Variants in KBTBD8 observed in about 807,000 individuals in gnomAD.
KBTBD8 encodes kelch repeat and BTB domain-containing protein 8.
Under a neutral mutation model 53.5 loss-of-function variants are expected in KBTBD8, and 31 were observed. That is an observed-to-expected ratio of 0.58 (90% CI 0.44 to 0.78). The LOEUF (loss-of-function observed/expected upper bound fraction) is 0.78. Ranked by LOEUF, KBTBD8 falls within the 30% of genes least tolerant of loss-of-function variation. The pLI is 0.00. For missense variants in KBTBD8, 642 were observed against 735.8 expected (o/e 0.87, Z 1.48); for synonymous variants, 250 against 247.3 (o/e 1.01, Z -0.10).
chr3:67,004,053 G>A lies in KBTBD8; in HGVS notation c.1086G>A (p.Met362Ile), dbSNP rs1702042260. ...IDHKAENDFW[M>I]YDHSTNRWLS... ...ATAAGGCAGAAAATGATTTCTGGAT[G>A]TATGATCATTCCACCAATAGATGGC... Residue 362 changes from methionine (M) to isoleucine (I), a missense_variant, in exon 3 of 4, where the codon ATG becomes ATA. Coordinates refer to ENST00000417314, the MANE Select transcript of KBTBD8 (RefSeq NM_032505.3). The A allele has an allele frequency of 1.2e-6, 2 of 1,614,190 alleles. No homozygotes were observed. The highest frequency in any genetic ancestry group is 8.5e-7 in the Non-Finnish European group (1 of 1,180,034).
rs1467263340 is a variant in KBTBD8, at chr3:67,009,953, C to T, written c.*1568C>T. On this transcript the variant is annotated 3_prime_UTR_variant, in exon 4 of 4. Transcript: ENST00000417314. ...CATTGCCTCTTTGCATCACATACCT[C>T]GTTTTTCAGAAACTTTCCAAACTGC... is the stretch of plus-strand genomic sequence containing the variant. 1 of 152,576 alleles carries T rather than the reference C, an allele frequency of 6.6e-6. No individual in the cohort carries two copies. The highest frequency in any genetic ancestry group is 2.4e-5 in the African/African-American group (1 of 41,450). 9.5% of individuals were successfully genotyped at this position (152,576 alleles called of 1,614,324 possible).
At chr3:67,004,569 A>C (rs894232996) in intron 3 of KBTBD8, among the ~76,000 whole-genome samples, 1 of 152,240 alleles carries the variant, frequency 6.6e-6, no homozygotes, top group African/African-American at 2.4e-5. Flanking sequence ...TAGAATAACT[A>C]TTTTTGAAAA....
intron 2 of KBTBD8, among the ~76,000 whole-genome samples, chr3:67,000,872 AATATG>A (rs1305387246): frequency 2.6e-5 from 4 of 151,890 alleles, no homozygotes; most frequent in African/African-American, 4.8e-5. Flanking sequence ...ATACATAATA[AATATG>A]ATATATGTAT....
At chr3:66,998,799 T>G in intron 1 of KBTBD8, 182 bp from the exon 2 acceptor site, 2 of 614,722 alleles carry the variant, frequency 3.3e-6, no homozygotes, top group Non-Finnish European at 5.8e-6. Context: ...CCGATCGCGC[T>G]CCGCCCTCTG....
Position 67,003,406 on chromosome 3 carries a change from T to A in KBTBD8, c.439T>A (p.Leu147Met). 6.2e-7 allele frequency: 1 copy of A among 1,614,112 alleles called. No individual in the cohort carries two copies. Among genetic ancestry groups the A allele is most frequent in the Non-Finnish European group, 8.5e-7 (1 of 1,179,962 alleles). The change falls in exon 3 of 4, where the codon TTG becomes ATG. Residue 147 changes from leucine (L) to methionine (M), a missense_variant. Coordinates refer to ENST00000417314, the MANE Select transcript of KBTBD8 (RefSeq NM_032505.3). ...DQCAKYMISH[L>M]DPQNSIGVFI... ...ATGTGCTAAGTATATGATCAGTCATTTGGACCCACAGAATTCTATTGGGGT... is the reference window on the plus strand; with the variant it reads ...ATGTGCTAAGTATATGATCAGTCATATGGACCCACAGAATTCTATTGGGGT...
At chr3:67,000,779 TTAA>T (rs1233049114) in intron 2 of KBTBD8, among the ~76,000 whole-genome samples, 1 of 152,112 alleles carries the variant, frequency 6.6e-6, no homozygotes, top group Non-Finnish European at 1.5e-5. Flanking sequence ...TTACTGAAAT[TTAA>T]TAATCTGGAT....
In KBTBD8 at chr3:67,003,432, C is replaced by T; in HGVS notation, c.465C>T (p.Val155=). Residue 155 remains valine, a synonymous_variant, in exon 3 of 4, where the codon GTC becomes GTT. Transcript: ENST00000417314. ...TGGACCCACAGAATTCTATTGGGGT[C>T]TTTATCTTTGCTGATCATTATGGTC... is the stretch of plus-strand genomic sequence containing the variant. ...SHLDPQNSIG[V]FIFADHYGHQ... 6.2e-7 allele frequency: 1 copy of T among 1,614,014 alleles called. No homozygotes were observed. The highest frequency in any genetic ancestry group is 8.5e-7 in the Non-Finnish European group (1 of 1,179,942).
Position 67,008,489 on chromosome 3 carries a change from T to C in KBTBD8, c.*104T>C, listed in dbSNP as rs1274300185. ...ATTTCAGAAAGCTGAGAGAGTTTTA[T>C]ACATGGAAAATGGGTATGCTTAAAG... is the stretch of plus-strand genomic sequence containing the variant. On this transcript the variant is annotated 3_prime_UTR_variant, in exon 4 of 4. Transcript: ENST00000417314. 2.5e-6 allele frequency: 2 copies of C among 792,696 alleles called. No homozygotes were observed. The highest frequency in any genetic ancestry group is 3.9e-6 in the Non-Finnish European group (2 of 511,598). The allele number at this position is 792,696 out of a possible 1,614,324, so 49.1% of individuals were successfully genotyped here.
intron 2 of KBTBD8, 116 bp downstream of exon 2, chr3:66,999,307 G>T: frequency 3.5e-6 from 3 of 848,462 alleles, no homozygotes; most frequent in South Asian, 3.1e-5. Flanking sequence ...CAATGACTTT[G>T]TTTCTTGAGA....
chr3:67,003,188 T>C lies in KBTBD8; in HGVS notation c.228-7T>C. 2 of 1,606,802 alleles carry C rather than the reference T, an allele frequency of 1.2e-6. No individual in the cohort carries two copies. The highest frequency in any genetic ancestry group is 1.7e-6 in the Non-Finnish European group (2 of 1,173,798). ...ACGTGTAATATTAACCACTCTTTCC[T>C]TCTTAGATCCATGTTCACTAGCGGC... On this transcript the variant is annotated splice_polypyrimidine_tract_variant and splice_region_variant and intron_variant, in intron 2 of 3. Coordinates refer to ENST00000417314, the MANE Select transcript of KBTBD8 (RefSeq NM_032505.3).
Position 67,003,656 on chromosome 3 carries a change from T to G in KBTBD8, c.689T>G (p.Val230Gly). ...WFEHEQNERE[V>G]HLPEIFAKCI... ...GAGCATGAACAGAATGAAAGAGAAGTGCACCTTCCAGAAATTTTTGCTAAA... is the reference window on the plus strand; with the variant it reads ...GAGCATGAACAGAATGAAAGAGAAGGGCACCTTCCAGAAATTTTTGCTAAA... Residue 230 changes from valine (V) to glycine (G), a missense_variant, in exon 3 of 4, where the codon GTG becomes GGG. Coordinates refer to ENST00000417314, the MANE Select transcript of KBTBD8 (RefSeq NM_032505.3). 1.2e-6 allele frequency: 2 copies of G among 1,614,110 alleles called. No homozygotes were observed. The highest frequency in any genetic ancestry group is 1.7e-6 in the Non-Finnish European group (2 of 1,180,026).
rs1649143560 is a variant in KBTBD8, at chr3:67,003,685, A to C, written c.718A>C (p.Ile240Leu). The change falls in exon 3 of 4, where the codon ATA becomes CTA. Residue 240 changes from isoleucine (I) to leucine (L), a missense_variant. By Grantham distance (5) the Ile-to-Leu change is conservative. Transcript: ENST00000417314. ...CCTTCCAGAAATTTTTGCTAAATGC[A>C]TACGTTTTCCTCTGATGGAAGATAC... Reference protein sequence around the residue: ...VHLPEIFAKCIRFPLMEDTFI... With the variant: ...VHLPEIFAKCLRFPLMEDTFI... The C allele has an allele frequency of 6.2e-7, 1 of 1,614,190 alleles. No individual in the cohort carries two copies. Among genetic ancestry groups the C allele is most frequent in the African/African-American group, 1.3e-5 (1 of 75,064 alleles).
Position 67,004,116 on chromosome 3 carries a change from C to T in KBTBD8, c.1149C>T (p.Cys383=). 1 of 1,614,166 alleles carries T rather than the reference C, an allele frequency of 6.2e-7. No individual in the cohort carries two copies. Among genetic ancestry groups the T allele is most frequent in the Non-Finnish European group, 8.5e-7 (1 of 1,180,012 alleles). The part of the protein sequence containing the change: ...KPSLLRARIG[C]KLVYCCGKMY... Reference sequence around the variant, plus strand: ...CCTTGCTTCGAGCCAGAATAGGCTGCAAACTTGTCTATTGCTGTGGTAAAA... The same window carrying T: ...CCTTGCTTCGAGCCAGAATAGGCTGTAAACTTGTCTATTGCTGTGGTAAAA... Residue 383 remains cysteine (C), a synonymous_variant, in exon 3 of 4, where the codon TGC becomes TGT. Coordinates refer to ENST00000417314, the MANE Select transcript of KBTBD8 (RefSeq NM_032505.3).
intron 2 of KBTBD8, among the ~76,000 whole-genome samples, chr3:67,001,714 T>G (rs898309160): frequency 2.6e-5 from 4 of 152,200 alleles, no homozygotes; most frequent in African/African-American, 9.6e-5. Context: ...GCCAGTGTGA[T>G]ACTAAATTAA....
intron 2 of KBTBD8, among the ~76,000 whole-genome samples, chr3:67,001,629 A>G (rs546971662): frequency 6.6e-6 from 1 of 152,328 alleles, no homozygotes; most frequent in African/African-American, 2.4e-5. Context: ...TGGTAGCTGT[A>G]TCGGTGAGTC....
At chr3:67,000,551 T>C (rs1702007889) in intron 2 of KBTBD8, among the ~76,000 whole-genome samples, 1 of 152,190 alleles carries the variant, frequency 6.6e-6, no homozygotes, top group South Asian at 2.1e-4. Flanking sequence ...TCAGTGAGAT[T>C]GAGTTTTAAT....
chr3:67,008,700 G>A lies in KBTBD8; in HGVS notation c.*315G>A, dbSNP rs1020188968. On this transcript the variant is annotated 3_prime_UTR_variant, in exon 4 of 4. Coordinates refer to ENST00000417314, the MANE Select transcript of KBTBD8 (RefSeq NM_032505.3). ...TCAGGACAACTATGCACTCTTATAA[G>A]AGCATTTAGGGTATTATTGGGTAAA... The A allele has an allele frequency of 1.5e-5, 4 of 268,782 alleles. No individual in the cohort carries two copies. Among genetic ancestry groups the A allele is most frequent in the Admixed American group, 4.8e-5 (1 of 20,926 alleles). 16.6% of individuals were successfully genotyped at this position (268,782 alleles called of 1,614,324 possible). A position where few individuals can be genotyped will look rare whatever the true frequency, so the allele number is the denominator to read the frequency against.
chr3:67,005,872 G>A (rs921807451), intron 3 of KBTBD8, among the ~76,000 whole-genome samples: 4 of 151,854 alleles, frequency 2.6e-5, no homozygotes, highest in African/African-American at 9.7e-5. Flanking sequence ...TGACCAGGCT[G>A]GTCTTGAACT....
In KBTBD8 at chr3:67,001,835, G is replaced by T. The variant is rs1481144620; in HGVS notation, c.228-1360G>T. 2.6e-5 allele frequency among the ~76,000 whole-genome samples: 4 copies of T among 152,086 alleles called. No homozygotes were observed. In the East Asian group the frequency reaches 5.8e-4, roughly 22 times the overall value. On this transcript the variant is annotated intron_variant, in intron 2 of 3. Coordinates refer to ENST00000417314, the MANE Select transcript of KBTBD8 (RefSeq NM_032505.3). ...TACTGCATTTTAAAATTAATTCCAT[G>T]AATTTGAGAGATATTTTTTAAGTGA...
Sources: allele counts gnomAD v4.1 joint callset (sites outside exome capture counted in the v4.1 genomes callset), GRCh38; gene constraint gnomAD v4.1.1; transcripts MANE v1.5; gene names NCBI Gene and HGNC (gene_info 2026-07-23, HGNC 2026-07-21).